The following ULK1 variants were observed in gnomAD, a reference collection of about 807,000 sequenced individuals.
ULK1 encodes the protein unc-51 like autophagy activating kinase 1.
In ULK1, 48 loss-of-function variants were observed where a neutral mutation model predicts 117.5. That is an observed-to-expected ratio of 0.41 (90% CI 0.32 to 0.52). The LOEUF is 0.52. Among genes scored for constraint, ULK1 ranks in the 20% least tolerant of loss-of-function variants. ULK1 has a pLI of 0.29. For synonymous variants in ULK1, 790 were observed against 637.8 expected (o/e 1.24, Z -3.60); for missense variants, 1,387 against 1,473.4 (o/e 0.94, Z 0.96).
intron 3 of ULK1, 38 bp from the exon 4 acceptor site, chr12:131,906,854 G>A: frequency 6.2e-7 from 1 of 1,613,738 alleles, no homozygotes; most frequent in South Asian, 1.1e-5. Flanking sequence ...GGGCCCGGTG[G>A]CACTGGGACC....
Position 131,921,900 on chromosome 12 carries a change from C to G in ULK1, c.*539C>G, listed in dbSNP as rs887968915. ...GGGACTGCTGGGCAGCGATTCCTGG[C>G]AGTGGCCTGGTGTTTGTACATACAC... On this transcript the variant is annotated 3_prime_UTR_variant, in exon 28 of 28. Transcript: ENST00000321867. The G allele has an allele frequency of 2.2e-6, 1 of 457,352 alleles. No homozygotes were observed. Among genetic ancestry groups the G allele is most frequent in the Non-Finnish European group, 4.4e-6 (1 of 227,614 alleles). 28.3% of individuals were successfully genotyped at this position (457,352 alleles called of 1,614,324 possible).
rs1890146528 is a variant in ULK1 at position 131,921,408 on chromosome 12, T to C, written c.*47T>C. The C allele has an allele frequency of 1.3e-6, 2 of 1,597,894 alleles. No individual in the cohort carries two copies. Among genetic ancestry groups the C allele is most frequent in the Non-Finnish European group, 1.7e-6 (2 of 1,178,756 alleles). On this transcript the variant is annotated 3_prime_UTR_variant, in exon 28 of 28. Transcript: ENST00000321867. The stretch of plus-strand genomic sequence containing the variant: ...CCCCGTCCTGCCGAGCCCTGCAGAG[T>C]GGGCTCTGTGTGCTGGCTGGACTCC...
At chr12:131,916,674 G>A (rs1051471679) in intron 20 of ULK1, 83 bp downstream of exon 20, 2 of 1,402,804 alleles carry the variant, frequency 1.4e-6, no homozygotes, top group African/African-American at 2.9e-5. Context: ...ACTTCTGGGG[G>A]GTAGAACAGG....
At chr12:131,915,797 G>T in intron 18 of ULK1, 94 bp from the exon 19 acceptor site, 1 of 1,527,244 alleles carries the variant, frequency 6.5e-7, no homozygotes, top group Non-Finnish European at 8.8e-7. Context: ...GGGCCTTGGA[G>T]TGCGTCTACC....
chr12:131,895,727 G>C, intron 2 of ULK1, 34 bp downstream of exon 2: 1 of 1,613,148 alleles, frequency 6.2e-7, no homozygotes, highest in Non-Finnish European at 8.5e-7. Flanking sequence ...GCGTGGGCGT[G>C]GGCGTGGGCA....
At position 131,895,196 on chromosome 12, in the gene ULK1, G is replaced by A. The variant is rs551536943; in HGVS notation, c.111+84G>A. On this transcript the variant is annotated intron_variant, in intron 1 of 27. Transcript: ENST00000321867. ...GCCCCGAGATTCCCCGCCTGTCCCG[G>A]GACCCCCCCACGCCTCCCGAGAGCC... 1.9e-4 allele frequency: 200 copies of A among 1,048,864 alleles called. 6 individuals are homozygous for A. The South Asian group carries it at 3.4e-3, about 18-fold the overall frequency. The allele number at this position is 1,048,864 out of a possible 1,614,324, so 65.0% of individuals were successfully genotyped here.
At position 131,915,341 on chromosome 12, in the gene ULK1, C is replaced by G. The variant is rs1246205395; in HGVS notation, c.1529C>G (p.Thr510Ser). The change falls in exon 18 of 28, where the codon ACC becomes AGC. Residue 510 changes from threonine to serine, a missense_variant. Transcript: ENST00000321867. The part of the protein sequence containing the change: ...RPYTPSPQVG[T>S]IPERPGWSGT... ...GATCTCTCTTTTCCCCAAGTTGGAACCATCCCTGAGCGGCCAGGCTGGAGC... is the reference window on the plus strand; with the variant it reads ...GATCTCTCTTTTCCCCAAGTTGGAAGCATCCCTGAGCGGCCAGGCTGGAGC... The G allele has an allele frequency of 1.2e-6, 2 of 1,612,774 alleles. No individual in the cohort carries two copies. The highest frequency in any genetic ancestry group is 1.7e-6 in the Non-Finnish European group (2 of 1,179,936).
chr12:131,909,290 C>T, intron 8 of ULK1, 53 bp downstream of exon 8: 2 of 1,505,924 alleles, frequency 1.3e-6, no homozygotes, highest in Non-Finnish European at 1.8e-6. Context: ...CAAGTGTCCG[C>T]CAGCTGCGGT....
chr12:131,916,222 A>T, intron 19 of ULK1, 63 bp downstream of exon 19: 1 of 1,571,696 alleles, frequency 6.4e-7, no homozygotes. Context: ...GGGAATGGCC[A>T]GTCCTGAACA....
At chr12:131,899,221 T>C (rs541083802) in intron 3 of ULK1, among the ~76,000 whole-genome samples, 1 of 140,486 alleles carries the variant, frequency 7.1e-6, no homozygotes, top group South Asian at 2.3e-4. Flanking sequence ...GTAGTTTCAC[T>C]CTTGTTGCCC....
chr12:131,913,653 C>T (rs1421738850), intron 14 of ULK1, 94 bp from the exon 15 acceptor site: 19 of 900,278 alleles, frequency 2.1e-5, no homozygotes, highest in East Asian at 6.2e-5. Context: ...TGCAGTGAGC[C>T]GAGATTGCGC....
At chr12:131,918,760 A>ATGGGGTGTGTGGGGTG (rs1889983607) in intron 23 of ULK1, 79 bp downstream of exon 23, 1 of 535,726 alleles carries the variant, frequency 1.9e-6, no homozygotes, top group Non-Finnish European at 2.6e-6. Context: ...TGTGTGGGGT[A>ATGGGGTGTGTGGGGTG]TAGGGTGTGT....
intron 12 of ULK1, among the ~76,000 whole-genome samples, chr12:131,911,208 G>T (rs1365656969): frequency 6.6e-6 from 1 of 152,194 alleles, no homozygotes; most frequent in African/African-American, 2.4e-5. Context: ...GGGGTCTGCA[G>T]AGCACCTGAG....
chr12:131,909,609 C>T lies in ULK1; in HGVS notation c.667-166C>T, dbSNP rs577276287. On this transcript the variant is annotated intron_variant, in intron 8 of 27. Transcript: ENST00000321867. ...GAGACCGTCGGCGCCCCCTCCCCGC[C>T]CCCATGCTCATACCTCCAGCAGCAA... 4.6e-5 allele frequency among the ~76,000 whole-genome samples: 7 copies of T among 152,296 alleles called. No homozygotes were observed. In the South Asian group the frequency reaches 6.2e-4, roughly 14 times the overall value.
At chr12:131,914,830 C>T (rs12301033) in intron 16 of ULK1, among the ~76,000 whole-genome samples, 28,417 of 152,148 alleles carry the variant, frequency 0.19, 5,465 homozygotes, top group African/African-American at 0.49. Context: ...GTGAGGGTGC[C>T]TTGGGTTGGC....
At position 131,920,001 on chromosome 12, in the gene ULK1, G is replaced by A. The variant is rs1890077838; in HGVS notation, c.2826G>A (p.Leu942=). Residue 942 remains leucine, a synonymous_variant, in exon 26 of 28, where the codon CTG becomes CTA. Coordinates refer to ENST00000321867, the MANE Select transcript of ULK1 (RefSeq NM_003565.4). ...CAGTGGTGCGCAGGCTGAATGAGCT[G>A]TACAAGGCCAGCGTGGTGTCCTGCC... The part of the protein sequence containing the change: ...VKQVVRRLNE[L]YKASVVSCQG... 1.9e-6 allele frequency: 3 copies of A among 1,612,722 alleles called. No homozygotes were observed. Among genetic ancestry groups the A allele is most frequent in the Middle Eastern group, 1.6e-4 (1 of 6,082 alleles).
Position 131,908,564 on chromosome 12 carries a change from CG to C in ULK1, c.317-77del, listed in dbSNP as rs933187812. ...TGCCTGGCGCTCTCCATCCGTGTGG[CG>C]GGACCGGCCTGGCTGCGCGGGACTC... On this transcript the variant is annotated intron_variant, in intron 5 of 27. Transcript: ENST00000321867. The C allele has an allele frequency of 2.3e-4, 322 of 1,399,486 alleles. No individual in the cohort carries two copies. The African/African-American group carries it at 3.3e-3, about 14-fold the overall frequency. The allele number at this position is 1,399,486 out of a possible 1,614,324, so 86.7% of individuals were successfully genotyped here. A position where few individuals can be genotyped will look rare whatever the true frequency, so the allele number is the denominator to read the frequency against.
At chr12:131,909,297 C>T in intron 8 of ULK1, 60 bp downstream of exon 8, 4 of 1,489,108 alleles carry the variant, frequency 2.7e-6, no homozygotes, top group African/African-American at 1.4e-5. Flanking sequence ...CCGCCAGCTG[C>T]GGTCAGACGC....
chr12:131,898,483 T>C (rs1251925720), intron 3 of ULK1, among the ~76,000 whole-genome samples: 1 of 151,918 alleles, frequency 6.6e-6, no homozygotes, highest in African/African-American at 2.4e-5. Context: ...AAGTAGAAAA[T>C]GACATCTCTT....
Sources: allele counts gnomAD v4.1 joint callset (sites outside exome capture counted in the v4.1 genomes callset), GRCh38; gene constraint gnomAD v4.1.1; transcripts MANE v1.5; gene names NCBI Gene and HGNC (gene_info 2026-07-23, HGNC 2026-07-21).